Variants in CEP170B observed in about 807,000 individuals in gnomAD.
CEP170B encodes centrosomal protein of 170 kDa protein B.
Under a neutral mutation model 120.6 loss-of-function variants are expected in CEP170B, and 55 were observed. The ratio of observed to expected loss-of-function variants is 0.46; its 90% confidence interval spans 0.37 to 0.57. CEP170B has a LOEUF of 0.57. Ranked by LOEUF, CEP170B falls within the 20% of genes least tolerant of loss-of-function variation. The pLI is 0.00. For missense variants in CEP170B, 2,212 were observed against 2,253.3 expected (o/e 0.98, Z 0.37); for synonymous variants, 1,033 against 954.5 (o/e 1.08, Z -1.52).
Position 104,885,419 on chromosome 14 carries a change from C to T in CEP170B, c.1821C>T (p.Thr607=). Residue 607 remains threonine, a synonymous_variant, in exon 10 of 19, where the codon ACC becomes ACT. Transcript: ENST00000414716. ...AACTCTCCAGGGCATCTTCGGCCAC[C>T]TTTCGCCCAGTCATCAGAGGGGACA... ...SPELSRASSA[T]FRPVIRGDRD... 1 of 1,566,960 alleles carries T rather than the reference C, an allele frequency of 6.4e-7. No individual in the cohort carries two copies. Among genetic ancestry groups the T allele is most frequent in the East Asian group, 2.4e-5 (1 of 42,288 alleles).
At chr14:104,872,299 CCATGG>C (rs1375709539) in intron 2 of CEP170B, among the ~76,000 whole-genome samples, 1,448 of 47,026 alleles carry the variant, frequency 0.031, 12 homozygotes, top group Middle Eastern at 0.059. Context: ...CGTGTGTGTG[CCATGG>C]GTGTGCGTGT....
Position 104,883,873 on chromosome 14 carries a change from C to T in CEP170B, c.1094C>T (p.Pro365Leu), listed in dbSNP as rs867046549. 4 of 1,576,060 alleles carry T rather than the reference C, an allele frequency of 2.5e-6. No individual in the cohort carries two copies. The highest frequency in any genetic ancestry group is 1.9e-5 in the Admixed American group (1 of 53,876). Residue 365 changes from proline to leucine, a missense_variant, in exon 9 of 19, where the codon CCC (proline) becomes CTC (leucine). Around this residue, in one of 2 missense-constraint regions of CEP170B, gnomAD observed 2,166 missense variants for 2,166.7 expected, o/e 1.00. Coordinates refer to ENST00000414716, the MANE Select transcript of CEP170B (RefSeq NM_001112726.3). ...GGCACGCAGAGTGACTCAGAGGACC[C>T]CCTGGCCAAGGCGGCCTCGGCCGCT... ...EDGTQSDSED[P>L]LAKAASAAGV... is the part of the protein sequence containing the mutation.
At chr14:104,882,381 C>T (rs1896200176) in intron 6 of CEP170B, among the ~76,000 whole-genome samples, 1 of 152,070 alleles carries the variant, frequency 6.6e-6, no homozygotes, top group Non-Finnish European at 1.5e-5. Context: ...GGCAGGGTTG[C>T]AGGACGGAGG....
At chr14:104,888,228 C>T (rs900949306) in intron 12 of CEP170B, among the ~76,000 whole-genome samples, 65 of 152,244 alleles carry the variant, frequency 4.3e-4, no homozygotes, top group African/African-American at 1.4e-3. Flanking sequence ...TGGAGAGGGC[C>T]TTCCATCCCC....
chr14:104,883,683 G>C (rs145297277), intron 8 of CEP170B, 148 bp from the exon 9 acceptor site: 4 of 1,056,700 alleles, frequency 3.8e-6, no homozygotes, highest in Non-Finnish European at 5.3e-6. Context: ...GCGTCTTCCC[G>C]TTGCACTTCT....
At chr14:104,876,130 T>C (rs1307892760) in intron 2 of CEP170B, 126 bp from the exon 3 acceptor site, 1 of 842,516 alleles carries the variant, frequency 1.2e-6, no homozygotes, top group Non-Finnish European at 1.9e-6. Context: ...CACAGCTCTG[T>C]GGTCAGAGGC....
intron 6 of CEP170B, among the ~76,000 whole-genome samples, chr14:104,882,015 G>A (rs1896182948): frequency 6.6e-6 from 1 of 152,148 alleles, no homozygotes; most frequent in South Asian, 2.1e-4. Flanking sequence ...AGGATGGAAA[G>A]AGCTTGGGTG....
chr14:104,882,227 GT>G (rs57013705), intron 6 of CEP170B, among the ~76,000 whole-genome samples: 7,435 of 152,262 alleles, frequency 0.049, 623 homozygotes, highest in African/African-American at 0.17. Context: ...CAGGGACCAT[GT>G]AGATTGCAGT....
chr14:104,893,132 G>T lies in CEP170B; in HGVS notation c.4035G>T (p.Glu1345Asp). The change falls in exon 14 of 19, where the codon GAG (glutamate) becomes GAT (aspartate). Residue 1345 changes from glutamate (E) to aspartate (D), a missense_variant. Coordinates refer to ENST00000414716, the MANE Select transcript of CEP170B (RefSeq NM_001112726.3). ...STPASTISAREELVQRIPEAS... is the reference protein window; with the variant it reads ...STPASTISARDELVQRIPEAS... ...CCGCCTCGACCATCTCTGCCCGGGAGGAGGTGAGCCCCAGGCTTTCTGAGG... is the reference window on the plus strand; with the variant it reads ...CCGCCTCGACCATCTCTGCCCGGGATGAGGTGAGCCCCAGGCTTTCTGAGG... 2 of 1,608,234 alleles carry T rather than the reference G, an allele frequency of 1.2e-6. No individual in the cohort carries two copies. Among genetic ancestry groups the T allele is most frequent in the East Asian group, 2.2e-5 (1 of 44,826 alleles).
chr14:104,894,414 C>A, intron 17 of CEP170B, 36 bp downstream of exon 17: 1 of 1,607,472 alleles, frequency 6.2e-7, no homozygotes, highest in Non-Finnish European at 8.5e-7. Flanking sequence ...TGGCCTGCCC[C>A]CAGCCAGCCT....
chr14:104,884,656 G>A, intron 9 of CEP170B, 107 bp downstream of exon 9: 1 of 917,094 alleles, frequency 1.1e-6, no homozygotes, highest in East Asian at 2.9e-5. Context: ...TGGAGGCGAT[G>A]CCGGGGGTGG....
In CEP170B at chr14:104,874,669, GGTCCTCCACTGCAGTCCTCCCCTCA is replaced by G. The variant is rs748139669; in HGVS notation, c.106-1564_106-1540del. Among the ~76,000 whole-genome samples the G allele has an allele frequency of 4.3e-3, 642 of 149,990 alleles. 5 individuals are homozygous for G. Among genetic ancestry groups the G allele is most frequent in the Non-Finnish European group, 7.7e-3 (516 of 67,426 alleles). ...ACCCTCCACTGTAGTCCCTGCCCCC[GGTCCTCCACTGCAGTCCTCCCCTCA>G]GTCCTCCACTGCAGTCCTCCCCCTG... On this transcript the variant is annotated intron_variant, in intron 2 of 18. Coordinates refer to ENST00000414716, the MANE Select transcript of CEP170B (RefSeq NM_001112726.3).
intron 5 of CEP170B, 110 bp downstream of exon 5, chr14:104,878,611 G>A (rs1202023661): frequency 2.4e-6 from 3 of 1,251,132 alleles, no homozygotes; most frequent in East Asian, 2.4e-5. Context: ...GGCCTCTGGG[G>A]CGCCCTGTTC....
chr14:104,883,037 C>T lies in CEP170B; in HGVS notation c.580C>T (p.Arg194Cys), dbSNP rs559167651. ...CTGAAGACATCTTCCCACACCAGAG[C>T]GCCCCAAGGGACCAGTGCAGCAGGA... is the stretch of plus-strand genomic sequence containing the variant. ...AQRQGEPYPE[R>C]PKGPVQQDGE... Residue 194 changes from arginine (R) to cysteine (C), a missense_variant and splice_region_variant, in exon 8 of 19, where the codon CGC (arginine) becomes TGC (cysteine). Coordinates refer to ENST00000414716, the MANE Select transcript of CEP170B (RefSeq NM_001112726.3). The T allele has an allele frequency of 5.7e-5, 86 of 1,511,838 alleles. No homozygotes were observed. The highest frequency in any genetic ancestry group is 9.9e-5 in the South Asian group (8 of 80,768). The allele number at this position is 1,511,838 out of a possible 1,614,324, so 93.7% of individuals were successfully genotyped here. A position where few individuals can be genotyped will look rare whatever the true frequency, so the allele number is the denominator to read the frequency against.
rs1896692323 is a variant in CEP170B, at chr14:104,889,667, GC to G, written c.3792del (p.Gly1265AlafsTer30). On this transcript the variant is annotated frameshift_variant, in exon 13 of 19. Coordinates refer to ENST00000414716, the MANE Select transcript of CEP170B (RefSeq NM_001112726.3). LOFTEE classifies it high-confidence loss of function. Reference sequence around the variant, plus strand: ...CAGCTCCAGCCGGGCTCGTTCCCGGGCCCCCGGCCCCCGGGACACGGACGAC... The same window carrying G: ...CAGCTCCAGCCGGGCTCGTTCCCGGGCCCCGGCCCCCGGGACACGGACGAC... ...AGSSSRARSR[A>X]PGPRDTDDDE... 6.2e-7 allele frequency: 1 copy of G among 1,612,044 alleles called. No individual in the cohort carries two copies. The highest frequency in any genetic ancestry group is 8.5e-7 in the Non-Finnish European group (1 of 1,179,676).
rs572866632 is a variant in CEP170B at position 104,893,640 on chromosome 14, A to G, written c.4156A>G (p.Lys1386Glu). The stretch of plus-strand genomic sequence containing the variant: ...CAGCTGTGAGGACGCCCTGGCCAAC[A>G]AGACGCGGCCTCGGAACCGAGAGGA... ...NDSCEDALAN[K>E]TRPRNREEVI... Residue 1386 changes from lysine to glutamate, a missense_variant, in exon 15 of 19, where the codon AAG becomes GAG. Lys to Glu is a moderately conservative substitution (Grantham distance 56, BLOSUM62 1). This residue lies in a region of CEP170B where 2,166 missense variants were observed against 2,166.7 expected (regional missense o/e 1.00). Transcript: ENST00000414716. 4.4e-6 allele frequency: 7 copies of G among 1,593,648 alleles called. No homozygotes were observed. Among genetic ancestry groups the G allele is most frequent in the African/African-American group, 2.7e-5 (2 of 74,566 alleles).
rs756189724 is a variant in CEP170B, at chr14:104,884,336, C to T, written c.1557C>T (p.Pro519=). Residue 519 remains proline, a synonymous_variant, in exon 9 of 19, where the codon CCC becomes CCT. Coordinates refer to ENST00000414716, the MANE Select transcript of CEP170B (RefSeq NM_001112726.3). Reference sequence around the variant, plus strand: ...GCTCCCCGGCCGCCCGGCCCAGCCCCGAGAAGGTTCCTCCGGTGCTGCCCG... The same window carrying T: ...GCTCCCCGGCCGCCCGGCCCAGCCCTGAGAAGGTTCCTCCGGTGCTGCCCG... ...RESSPAARPS[P]EKVPPVLPAP... is the part of the protein sequence containing the mutation. 93 of 1,544,280 alleles carry T rather than the reference C, an allele frequency of 6.0e-5. No homozygotes were observed. Among genetic ancestry groups the T allele is most frequent in the Non-Finnish European group, 7.2e-5 (82 of 1,145,042 alleles).
At chr14:104,892,270 G>A (rs1294215253) in intron 13 of CEP170B, among the ~76,000 whole-genome samples, 1 of 152,156 alleles carries the variant, frequency 6.6e-6, no homozygotes, top group Admixed American at 6.5e-5. Flanking sequence ...AGCTGCTCAC[G>A]GGCCCGGCAG....
At chr14:104,872,463 G>GATGTGCCGTGTGTGTGCGT (rs61064622) in intron 2 of CEP170B, among the ~76,000 whole-genome samples, 7 of 73,894 alleles carry the variant, frequency 9.5e-5, no homozygotes, top group African/African-American at 5.5e-4. Context: ...TGTGCGTGTG[G>GATGTGCCGTGTGTGTGCGT]GTGTGCCGTG....
Sources: allele counts gnomAD v4.1 joint callset (sites outside exome capture counted in the v4.1 genomes callset), GRCh38; gene constraint gnomAD v4.1.1; regional missense constraint gnomAD v4.1.1; transcripts MANE v1.5; gene names NCBI Gene and HGNC (gene_info 2026-07-23, HGNC 2026-07-21).